HACD3: variants seen among roughly 807,000 people sequenced by gnomAD.
The protein encoded by HACD3 is 3-hydroxyacyl-CoA dehydratase 3.
Under a neutral mutation model 55.2 loss-of-function variants are expected in HACD3, and 30 were observed. The ratio of observed to expected loss-of-function variants is 0.54; its 90% CI spans 0.41 to 0.74. The LOEUF (loss-of-function observed/expected upper bound fraction) is 0.74, where lower values mean the gene tolerates loss of function less well. Among genes scored for constraint, HACD3 ranks in the 30% least tolerant of loss-of-function variants. The pLI is 0.00. For synonymous variants in HACD3, 141 were observed against 151.7 expected (o/e 0.93, Z 0.52); for missense variants, 363 against 440.1 (o/e 0.82, Z 1.57).
At position 65,554,978 on chromosome 15, in the gene HACD3, T is replaced by C. The variant is rs1435275075; in HGVS notation, c.204+18T>C. 6.4e-7 allele frequency: 1 copy of C among 1,560,300 alleles called. No homozygotes were observed. The highest frequency in any genetic ancestry group is 1.7e-5 in the Admixed American group (1 of 59,702). Reference sequence around the variant, plus strand: ...AACCAGAGGTATGTTCTTTCCTTTCTCACTTCCCTTCCCATTTTAGGAAAT... The same window carrying C: ...AACCAGAGGTATGTTCTTTCCTTTCCCACTTCCCTTCCCATTTTAGGAAAT... On this transcript the variant is annotated intron_variant, in intron 3 of 10. Transcript: ENST00000261875.
chr15:65,550,125 T>G (rs2072117983), intron 1 of HACD3, among the ~76,000 whole-genome samples: 1 of 152,306 alleles, frequency 6.6e-6, no homozygotes, highest in South Asian at 2.1e-4. Flanking sequence ...CAGTAGCTCA[T>G]GCCTGTAATC....
chr15:65,574,372 TAGAGAG>T (rs150523332), intron 10 of HACD3: 1 of 152,210 alleles, frequency 6.6e-6, no homozygotes, highest in South Asian at 2.1e-4. Flanking sequence ...AGCAATTGGT[TAGAGAG>T]AGAGAGCCCG....
At chr15:65,562,606 G>A (rs978084830) in intron 5 of HACD3, among the ~76,000 whole-genome samples, 168 bp from the exon 6 acceptor site, 10 of 152,112 alleles carry the variant, frequency 6.6e-5, no homozygotes, top group Admixed American at 6.5e-5. Context: ...ATGTTTCTCT[G>A]TGGGAGTAGG....
Position 65,576,332 on chromosome 15 carries a change from A to G in HACD3, c.1042A>G (p.Lys348Glu), listed in dbSNP as rs1032832846. Residue 348 changes from lysine (K) to glutamate (E), a missense_variant, in exon 11 of 11, where the codon AAA (lysine) becomes GAA (glutamate). Lys to Glu is a moderately conservative substitution (Grantham distance 56). Coordinates refer to ENST00000261875, the MANE Select transcript of HACD3 (RefSeq NM_016395.4). ...GLYINFRHLYKQRRRRYGQKK... is the reference protein window; with the variant it reads ...GLYINFRHLYEQRRRRYGQKK... The stretch of plus-strand genomic sequence containing the variant: ...ATACATAAATTTTCGTCACCTTTAT[A>G]AACAGCGCAGACGGCGCTATGGACA... The G allele has an allele frequency of 5.6e-6, 9 of 1,602,788 alleles. No homozygotes were observed. The highest frequency in any genetic ancestry group is 7.7e-6 in the Non-Finnish European group (9 of 1,174,600).
chr15:65,553,700 A>G (rs1456692867), intron 2 of HACD3, among the ~76,000 whole-genome samples: 1 of 152,254 alleles, frequency 6.6e-6, no homozygotes, highest in Non-Finnish European at 1.5e-5. Flanking sequence ...TAGACCTTAT[A>G]TACTGTCCTA....
At chr15:65,531,133 C>G (rs1441406923) in intron 1 of HACD3, 1 of 143,038 alleles carries the variant, frequency 7.0e-6, no homozygotes, top group East Asian at 2.1e-4. Flanking sequence ...TGGGCCGTAG[C>G]TGAATGCCTG....
At chr15:65,567,830 G>A (rs2072307243) in intron 7 of HACD3, among the ~76,000 whole-genome samples, 1 of 151,986 alleles carries the variant, frequency 6.6e-6, no homozygotes, top group Non-Finnish European at 1.5e-5. Context: ...CTTACATGGG[G>A]TACTTAAAAT....
chr15:65,560,131 C>T (rs114846923), intron 5 of HACD3, among the ~76,000 whole-genome samples: 9,159 of 151,798 alleles, frequency 0.06, 280 homozygotes, highest in African/African-American at 0.083. Context: ...TCTACCTCAG[C>T]CTCCCAAGTA....
rs1206730443 is a variant in HACD3, at chr15:65,552,349, AT to A, written c.130+635del. 2.0e-5 allele frequency among the ~76,000 whole-genome samples: 3 copies of A among 152,148 alleles called. No homozygotes were observed. The East Asian group carries it at 5.8e-4, about 29-fold the overall frequency. On this transcript the variant is annotated intron_variant, in intron 2 of 10. Coordinates refer to ENST00000261875, the MANE Select transcript of HACD3 (RefSeq NM_016395.4). ...AAATAGAAAATTTATTTATTTATTT[AT>A]TTTGAGATTGAGTCTTGCTCTGTCA... is the stretch of plus-strand genomic sequence containing the variant.
rs139947916 is a variant in HACD3, at chr15:65,574,615, A to C, written c.1013-1688A>C. 241 of 152,370 alleles carry C rather than the reference A, an allele frequency of 1.6e-3. 1 individual carries two copies. The highest frequency in any genetic ancestry group is 5.4e-3 in the African/African-American group (223 of 41,584). 9.4% of individuals were successfully genotyped at this position (152,370 alleles called of 1,614,324 possible). A position where few individuals can be genotyped will look rare whatever the true frequency, so the allele number is the denominator to read the frequency against. ...TTTAGTGTTGCGGGAGGAGAGACTT[A>C]TACCATAGTATTAGGAGCCCCTTAG... On this transcript the variant is annotated intron_variant, in intron 10 of 10. Transcript: ENST00000261875.
Position 65,543,047 on chromosome 15 carries a change from C to T in HACD3, c.88-8629C>T, listed in dbSNP as rs1184061541. ...CGAGATCGTGCCACTGCACTCCAGC[C>T]TGGCGACAGTGGGACTCTGTCTCTC... On this transcript the variant is annotated intron_variant, in intron 1 of 10. Transcript: ENST00000261875. Among the ~76,000 whole-genome samples the T allele has an allele frequency of 1.9e-4, 3 of 16,028 alleles. No individual in the cohort carries two copies. In the East Asian group the frequency reaches 7.1e-3, roughly 38 times the overall value. The allele number at this position is 16,028 out of a possible 152,430, so 10.5% of individuals were successfully genotyped here. A position where few individuals can be genotyped will look rare whatever the true frequency, so the allele number is the denominator to read the frequency against.
intron 1 of HACD3, among the ~76,000 whole-genome samples, chr15:65,541,554 G>A (rs1394140515): frequency 6.6e-6 from 1 of 152,216 alleles, no homozygotes; most frequent in African/African-American, 2.4e-5. Context: ...TGTGATGGCG[G>A]GGGTGTCTAA....
intron 1 of HACD3, among the ~76,000 whole-genome samples, chr15:65,547,959 T>C (rs936962289): frequency 6.6e-6 from 1 of 152,166 alleles, no homozygotes; most frequent in African/African-American, 2.4e-5. Context: ...ATAAGTATTA[T>C]AGTAAAGGTG....
intron 1 of HACD3, among the ~76,000 whole-genome samples, chr15:65,537,980 T>A (rs866974036): frequency 4.0e-5 from 5 of 124,070 alleles, no homozygotes; most frequent in South Asian, 3.0e-4. Context: ...TATATATATA[T>A]ATATATATAT....
At chr15:65,552,813 G>A (rs1023165725) in intron 2 of HACD3, among the ~76,000 whole-genome samples, 2 of 151,666 alleles carry the variant, frequency 1.3e-5, no homozygotes, top group East Asian at 1.9e-4. Context: ...TCTAGCATTA[G>A]GTATATCTCC....
At chr15:65,533,086 G>T (rs748062302) in intron 1 of HACD3, among the ~76,000 whole-genome samples, 4 of 152,226 alleles carry the variant, frequency 2.6e-5, no homozygotes, top group Non-Finnish European at 5.9e-5. Context: ...TCCAGAAAGA[G>T]AAAGGCATAG....
In HACD3 at chr15:65,571,599, A is replaced by G; in HGVS notation, c.825A>G (p.Thr275=). 1.2e-6 allele frequency: 2 copies of G among 1,613,914 alleles called. No homozygotes were observed. The highest frequency in any genetic ancestry group is 1.7e-6 in the Non-Finnish European group (2 of 1,179,800). ...TCIDMDWKVL[T]WLRYTLWIPL... Reference sequence around the variant, plus strand: ...TTGACATGGATTGGAAGGTGCTCACATGGCTTCGTTACACTCTGTGGATTC... The same window carrying G: ...TTGACATGGATTGGAAGGTGCTCACGTGGCTTCGTTACACTCTGTGGATTC... Residue 275 remains threonine (T), a synonymous_variant, in exon 9 of 11, where the codon ACA becomes ACG. Transcript: ENST00000261875.
chr15:65,571,048 A>G (rs1307612262), intron 8 of HACD3, among the ~76,000 whole-genome samples: 1 of 152,270 alleles, frequency 6.6e-6, no homozygotes, highest in African/African-American at 2.4e-5. Flanking sequence ...AAATCCAGTT[A>G]TCACACTTAT....
Position 65,555,469 on chromosome 15 carries a change from A to G in HACD3, c.204+509A>G, listed in dbSNP as rs1055340486. Among the ~76,000 whole-genome samples the G allele has an allele frequency of 3.9e-5, 6 of 152,344 alleles. 1 individual carries two copies. The East Asian group carries it at 1.2e-3, about 29-fold the overall frequency. Reference sequence around the variant, plus strand: ...ATATCATCAAAACTTCCCTTCCCTTAGAGCCTGAGGAAGCTTCTCTCATAA... The same window carrying G: ...ATATCATCAAAACTTCCCTTCCCTTGGAGCCTGAGGAAGCTTCTCTCATAA... On this transcript the variant is annotated intron_variant, in intron 3 of 10. Coordinates refer to ENST00000261875, the MANE Select transcript of HACD3 (RefSeq NM_016395.4).
Sources: gnomAD v4.1 joint callset for allele counts (sites outside exome capture counted in the v4.1 genomes callset) on GRCh38, gnomAD v4.1.1 for gene constraint, MANE v1.5 for transcripts, NCBI Gene and HGNC (gene_info 2026-07-23, HGNC 2026-07-21) for gene names.